Variants in ASF1B observed in about 807,000 individuals in gnomAD.
ASF1B encodes histone chaperone ASF1B.
ASF1B carries 10 observed loss-of-function variants against 16.6 expected under a neutral mutation model. The observed-to-expected ratio is 0.60, with a 90% confidence interval of 0.37 to 1.02. The LOEUF (loss-of-function observed/expected upper bound fraction) is 1.02. ASF1B is among the 50% of genes least tolerant of loss of function. ASF1B has a pLI of 0.01. For synonymous variants in ASF1B, 101 were observed against 106.2 expected (o/e 0.95, Z 0.30); for missense variants, 240 against 266.0 (o/e 0.90, Z 0.68).
intron 2 of ASF1B, among the ~76,000 whole-genome samples, chr19:14,123,694 GAT>G (rs1282784824): frequency 6.6e-6 from 1 of 151,818 alleles, no homozygotes. Flanking sequence ...TTTTTAAAGA[GAT>G]AGCTTTTCCC....
At chr19:14,121,811 G>A in intron 2 of ASF1B, 103 bp from the exon 3 acceptor site, 1 of 1,093,094 alleles carries the variant, frequency 9.1e-7, no homozygotes, top group Non-Finnish European at 1.3e-6. Flanking sequence ...CAAAAAGTAT[G>A]CTCTCTGCCC....
intron 1 of ASF1B, among the ~76,000 whole-genome samples, chr19:14,128,351 T>C (rs1967348646): frequency 6.6e-6 from 1 of 152,218 alleles, no homozygotes; most frequent in African/African-American, 2.4e-5. Flanking sequence ...CCTTCTTTGA[T>C]GCACTGGCTG....
Position 14,126,151 on chromosome 19 carries a change from G to A in ASF1B, c.196C>T (p.Pro66Ser), listed in dbSNP as rs764338336. 7.5e-6 allele frequency: 12 copies of A among 1,606,520 alleles called. No homozygotes were observed. Among genetic ancestry groups the A allele is most frequent in the Non-Finnish European group, 1.0e-5 (12 of 1,177,574 alleles). The part of the protein sequence containing the change: ...ILDSVLVGPV[P>S]AGRHMFVFQA... ...AAGACAAACATGTGTCTCCCTGCTG[G>A]CACAGGGCCCACCAGCACCGAGTCT... Residue 66 changes from proline (P) to serine (S), a missense_variant, in exon 2 of 4, where the codon CCA (proline) becomes TCA (serine). Transcript: ENST00000263382.
intron 1 of ASF1B, among the ~76,000 whole-genome samples, chr19:14,129,619 T>A (rs1967367721): frequency 7.8e-6 from 1 of 128,772 alleles, no homozygotes; most frequent in South Asian, 2.3e-4. Flanking sequence ...CAGCAGAGAT[T>A]GCAGTGAGCC....
At chr19:14,135,498 A>G (rs1478615478) in intron 1 of ASF1B, among the ~76,000 whole-genome samples, 1 of 152,076 alleles carries the variant, frequency 6.6e-6, no homozygotes, top group African/African-American at 2.4e-5. Flanking sequence ...AAGGAGAGAA[A>G]CCAGGTTCCA....
chr19:14,135,218 T>C (rs1967469708), intron 1 of ASF1B, among the ~76,000 whole-genome samples: 2 of 116,656 alleles, frequency 1.7e-5, no homozygotes, highest in South Asian at 2.6e-4. Context: ...AGTGAGACTG[T>C]CTCAAAAAAA....
intron 1 of ASF1B, among the ~76,000 whole-genome samples, chr19:14,132,194 A>AT (rs1255255569): frequency 6.6e-6 from 1 of 151,884 alleles, no homozygotes; most frequent in African/African-American, 2.4e-5. Flanking sequence ...AGTCCCGTTA[A>AT]TTTTTTGATG....
chr19:14,129,817 C>T (rs1040310695), intron 1 of ASF1B, among the ~76,000 whole-genome samples: 1 of 147,566 alleles, frequency 6.8e-6, no homozygotes, highest in African/African-American at 2.5e-5. Context: ...GAGGCTGAGG[C>T]GGGTGGATTG....
At chr19:14,120,758 A>G in intron 3 of ASF1B, 93 bp from the exon 4 acceptor site, 1 of 1,140,504 alleles carries the variant, frequency 8.8e-7, no homozygotes, top group Non-Finnish European at 1.3e-6. Context: ...TCTCAAGCCC[A>G]GCAAGAGCAA....
intron 1 of ASF1B, among the ~76,000 whole-genome samples, chr19:14,131,403 G>A (rs970255715): frequency 6.6e-6 from 1 of 150,692 alleles, no homozygotes; most frequent in Admixed American, 6.6e-5. Flanking sequence ...GGCTGGTCTC[G>A]AACTCCTGAC....
intron 2 of ASF1B, among the ~76,000 whole-genome samples, chr19:14,122,527 G>A (rs998252021): frequency 3.3e-5 from 5 of 150,268 alleles, no homozygotes; most frequent in Non-Finnish European, 7.4e-5. Flanking sequence ...AACATGTCTA[G>A]CCAATTATTT....
At chr19:14,121,475 T>TC (rs770498386) in intron 3 of ASF1B, 57 bp downstream of exon 3, 27 of 1,556,688 alleles carry the variant, frequency 1.7e-5, no homozygotes, top group Admixed American at 3.6e-5. Flanking sequence ...ATGGCTGAAC[T>TC]CCCCCCAAGT....
At chr19:14,122,230 C>CT (rs897207038) in intron 2 of ASF1B, among the ~76,000 whole-genome samples, 10 of 151,808 alleles carry the variant, frequency 6.6e-5, no homozygotes, top group South Asian at 2.1e-4. Context: ...TGCGCCCAGC[C>CT]TTTTTTTTGT....
Position 14,120,526 on chromosome 19 carries a change from A to G in ASF1B, c.542T>C (p.Ile181Thr), listed in dbSNP as rs1439342986. The G allele has an allele frequency of 6.2e-7, 1 of 1,613,538 alleles. No homozygotes were observed. Among genetic ancestry groups the G allele is most frequent in the Non-Finnish European group, 8.5e-7 (1 of 1,179,688 alleles). Reference sequence around the variant, plus strand: ...GCAGCCAGGGAGCCCCAAGCCCTTGATAGGAGTGCAGTTGAGTGGGAGGCC... The same window carrying G: ...GCAGCCAGGGAGCCCCAAGCCCTTGGTAGGAGTGCAGTTGAGTGGGAGGCC... ...GCGLPLNCTP[I>T]KGLGLPGCIP... is the part of the protein sequence containing the mutation. Residue 181 changes from isoleucine to threonine, a missense_variant, in exon 4 of 4, where the codon ATC becomes ACC. By Grantham distance (89) the Ile-to-Thr change is moderately conservative (BLOSUM62 -1). Coordinates refer to ENST00000263382, the MANE Select transcript of ASF1B (RefSeq NM_018154.3).
At chr19:14,123,660 G>A (rs1368402840) in intron 2 of ASF1B, among the ~76,000 whole-genome samples, 2 of 151,828 alleles carry the variant, frequency 1.3e-5, no homozygotes, top group East Asian at 1.9e-4. Context: ...GATTACAGGC[G>A]TGAGCCACTG....
chr19:14,126,255 G>A lies in ASF1B; in HGVS notation c.110-18C>T, dbSNP rs767856727. 8.9e-6 allele frequency: 14 copies of A among 1,581,558 alleles called. No homozygotes were observed. The highest frequency in any genetic ancestry group is 5.0e-5 in the Admixed American group (3 of 59,900). ...CTCCAGGTCTGCAAAGATATAGGAG[G>A]GTTAACTAATTGAAATAGCTCAACA... On this transcript the variant is annotated intron_variant, in intron 1 of 3. Transcript: ENST00000263382.
Position 14,120,434 on chromosome 19 carries a change from G to A in ASF1B, c.*25C>T, listed in dbSNP as rs1257932064. On this transcript the variant is annotated 3_prime_UTR_variant, in exon 4 of 4. Coordinates refer to ENST00000263382, the MANE Select transcript of ASF1B (RefSeq NM_018154.3). Reference sequence around the variant, plus strand: ...GAGGCCTGGTTGCCCCTCCCGGCGTGCTGGGACACTCTGGGTTCCTGCAGT... The same window carrying A: ...GAGGCCTGGTTGCCCCTCCCGGCGTACTGGGACACTCTGGGTTCCTGCAGT... 6.2e-7 allele frequency: 1 copy of A among 1,610,634 alleles called. No homozygotes were observed. The highest frequency in any genetic ancestry group is 8.5e-7 in the Non-Finnish European group (1 of 1,178,472).
At chr19:14,125,729 T>A (rs1156739270) in intron 2 of ASF1B, among the ~76,000 whole-genome samples, 3 of 152,130 alleles carry the variant, frequency 2.0e-5, no homozygotes, top group African/African-American at 7.2e-5. Context: ...ATTTTTACAT[T>A]TTTTGTAGAG....
rs1175197214 is a variant in ASF1B, at chr19:14,119,574, TA to T, written c.*884del. On this transcript the variant is annotated 3_prime_UTR_variant, in exon 4 of 4. Transcript: ENST00000263382. The stretch of plus-strand genomic sequence containing the variant: ...TTTTAATATAAAAACATTTTGATAA[TA>T]TACAAACAGCAATCACAACAGCATC... The T allele has an allele frequency of 1.3e-5, 2 of 152,578 alleles. No homozygotes were observed. The highest frequency in any genetic ancestry group is 2.9e-5 in the Non-Finnish European group (2 of 68,022). 9.5% of individuals were successfully genotyped at this position (152,578 alleles called of 1,614,324 possible).
Sources: gnomAD v4.1 joint callset for allele counts (sites outside exome capture counted in the v4.1 genomes callset) on GRCh38, gnomAD v4.1.1 for gene constraint, MANE v1.5 for transcripts, NCBI Gene and HGNC (gene_info 2026-07-23, HGNC 2026-07-21) for gene names.